NCALD: variants seen among roughly 807,000 people sequenced by gnomAD.
The protein encoded by NCALD is neurocalcin-delta.
A neutral mutation model predicts 18.6 loss-of-function variants in NCALD; 10 were observed. The ratio of observed to expected loss-of-function variants is 0.54; its 90% CI spans 0.33 to 0.91. NCALD has a LOEUF of 0.91. NCALD is among the 40% of genes least tolerant of loss of function. The pLI, the probability that NCALD is intolerant of heterozygous loss-of-function variation, is 0.03. For synonymous variants in NCALD, 88 were observed against 87.4 expected (o/e 1.01, Z -0.04); for missense variants, 184 against 247.6 (o/e 0.74, Z 1.72).
chr8:101,809,037 AT>A (rs1181308940), intron 4 of NCALD, among the ~76,000 whole-genome samples: 2 of 152,220 alleles, frequency 1.3e-5, no homozygotes, highest in African/African-American at 4.8e-5. Context: ...GAAATATCAC[AT>A]GTTTAATAAG....
At chr8:102,008,917 TACACACACACACACACACACACAC>T (rs761346653) in intron 2 of NCALD, among the ~76,000 whole-genome samples, 2 of 38,534 alleles carry the variant, frequency 5.2e-5, no homozygotes, top group Admixed American at 3.0e-4. Flanking sequence ...CCCGCCCCCC[TACACACACACACACACACACACAC>T]ACACACACAC....
chr8:101,976,590 G>A (rs927741246), intron 2 of NCALD, among the ~76,000 whole-genome samples: 1 of 152,174 alleles, frequency 6.6e-6, no homozygotes, highest in East Asian at 1.9e-4. Flanking sequence ...TGTACACATA[G>A]ATTCTTTTAG....
At chr8:101,833,429 C>CTTT (rs1293251460) in intron 4 of NCALD, among the ~76,000 whole-genome samples, 3 of 152,104 alleles carry the variant, frequency 2.0e-5, no homozygotes, top group Non-Finnish European at 4.4e-5. Flanking sequence ...TATAGGAAAG[C>CTTT]TGAACATCTA....
intron 1 of NCALD, chr8:102,123,776 G>T: frequency 6.6e-6 from 1 of 152,390 alleles, no homozygotes; most frequent in South Asian, 2.0e-4. Flanking sequence ...GGCCTTTCCG[G>T]GCAGACTCCG....
At chr8:101,961,704 A>C (rs1025734033) in intron 2 of NCALD, among the ~76,000 whole-genome samples, 2 of 152,164 alleles carry the variant, frequency 1.3e-5, no homozygotes, top group Non-Finnish European at 2.9e-5. Context: ...AGCTGGGATT[A>C]TAGGTGTGAG....
chr8:101,755,542 T>C (rs1450822539), intron 1 of NCALD, among the ~76,000 whole-genome samples: 1 of 152,166 alleles, frequency 6.6e-6, no homozygotes, highest in African/African-American at 2.4e-5. Flanking sequence ...ATTCACCCTA[T>C]CTTCTCCTGT....
intron 4 of NCALD, among the ~76,000 whole-genome samples, chr8:101,810,360 C>A (rs16868464): frequency 6.6e-6 from 1 of 152,012 alleles, no homozygotes; most frequent in African/African-American, 2.4e-5. Flanking sequence ...CAGTGTATCT[C>A]GTACAGTTAG....
At chr8:101,852,732 C>T (rs1475234383) in intron 4 of NCALD, 1 of 152,210 alleles carries the variant, frequency 6.6e-6, no homozygotes, top group Non-Finnish European at 1.5e-5. Flanking sequence ...TAAGTCGATA[C>T]TATGATCTGC....
chr8:101,892,775 G>C (rs545871317), intron 3 of NCALD, among the ~76,000 whole-genome samples: 1 of 150,242 alleles, frequency 6.7e-6, no homozygotes, highest in Non-Finnish European at 1.5e-5. Flanking sequence ...AATGGAAGAT[G>C]AAATGAATGG....
intron 2 of NCALD, among the ~76,000 whole-genome samples, chr8:101,936,334 T>C (rs1030603317): frequency 1.3e-5 from 2 of 152,114 alleles, no homozygotes; most frequent in Non-Finnish European, 2.9e-5. Context: ...TTAGGACTTG[T>C]CAGGTGAGGA....
At chr8:102,089,764 G>A (rs1789476485) in intron 1 of NCALD, among the ~76,000 whole-genome samples, 1 of 152,120 alleles carries the variant, frequency 6.6e-6, no homozygotes, top group Admixed American at 6.5e-5. Context: ...TAAAGCTGAA[G>A]GTTTAAACAA....
At chr8:102,108,821 C>G (rs942792127) in intron 1 of NCALD, among the ~76,000 whole-genome samples, 1 of 152,052 alleles carries the variant, frequency 6.6e-6, no homozygotes, top group Non-Finnish European at 1.5e-5. Flanking sequence ...AGTAGCTAAC[C>G]AAGATTACAG....
Position 101,853,322 on chromosome 8 carries a change from A to G in NCALD, c.-20+33819T>C, listed in dbSNP as rs375868856. Among the ~76,000 whole-genome samples, 26 of 152,312 alleles carry G rather than the reference A, an allele frequency of 1.7e-4. 1 individual carries two copies. In the East Asian group the frequency reaches 3.7e-3, roughly 21 times the overall value. The stretch of plus-strand genomic sequence containing the variant: ...AGCTTTGGAACCTTCTTGATGGCAG[A>G]TCTATCAACATTTCTCCCTTTGGCT... On this transcript the variant is annotated intron_variant, in intron 4 of 6. Transcript: ENST00000311028.
At chr8:101,762,163 CTAAA>C (rs1157622408) in intron 1 of NCALD, among the ~76,000 whole-genome samples, 7 of 152,144 alleles carry the variant, frequency 4.6e-5, no homozygotes, top group Non-Finnish European at 1.0e-4. Flanking sequence ...TGCATTTTCC[CTAAA>C]TAGACCAGGA....
chr8:102,025,126 C>A (rs186561584), intron 1 of NCALD, among the ~76,000 whole-genome samples: 19 of 152,306 alleles, frequency 1.2e-4, no homozygotes, highest in African/African-American at 4.6e-4. Flanking sequence ...GCTGTGCCAG[C>A]CCTCTATAGG....
At chr8:102,124,498 C>G (rs1444031383), upstream of NCALD, 1 of 98,364 alleles carries the variant, frequency 1.0e-5, no homozygotes, top group East Asian at 2.6e-4. Flanking sequence ...CAGTGGACGC[C>G]CCCCCCCTCC....
intron 2 of NCALD, among the ~76,000 whole-genome samples, chr8:101,965,007 GA>G (rs990876720): frequency 6.6e-6 from 1 of 151,930 alleles, no homozygotes; most frequent in African/African-American, 2.4e-5. Flanking sequence ...ACAAACATAT[GA>G]AAAAAAGCTC....
intron 2 of NCALD, among the ~76,000 whole-genome samples, chr8:101,949,965 T>C (rs994501927): frequency 6.6e-6 from 1 of 152,196 alleles, no homozygotes; most frequent in Non-Finnish European, 1.5e-5. Flanking sequence ...TTCTTCCACT[T>C]GGTTGTCACC....
intron 3 of NCALD, among the ~76,000 whole-genome samples, chr8:101,898,738 A>G (rs746315044): frequency 9.2e-5 from 14 of 152,096 alleles, no homozygotes; most frequent in Non-Finnish European, 1.6e-4. Flanking sequence ...GTTCTGTCCT[A>G]TGTATCACTC....
Sources: gnomAD v4.1 joint callset for allele counts (sites outside exome capture counted in the v4.1 genomes callset) on GRCh38, gnomAD v4.1.1 for gene constraint, MANE v1.5 for transcripts, NCBI Gene and HGNC (gene_info 2026-07-23, HGNC 2026-07-21) for gene names.